ADAMTS2: variants seen among roughly 807,000 people sequenced by gnomAD.
ADAMTS2 encodes the protein A disintegrin and metalloproteinase with thrombospondin motifs 2.
In ADAMTS2, 50 loss-of-function variants were observed where a neutral mutation model predicts 123.0. The observed-to-expected ratio is 0.41, with a 90% CI of 0.32 to 0.51. ADAMTS2 has a LOEUF of 0.51. Among genes scored for constraint, ADAMTS2 ranks in the 20% least tolerant of loss-of-function variants. The probability of loss-of-function intolerance (pLI) is 0.35; values close to 1 mark genes in which losing one functional copy is unlikely to be tolerated. For missense variants in ADAMTS2, 1,494 were observed against 1,705.2 expected (o/e 0.88, Z 2.18); for synonymous variants, 678 against 695.4 (o/e 0.98, Z 0.39).
chr5:179,272,809 A>G lies in ADAMTS2; in HGVS notation c.688+102T>C. 1.4e-6 allele frequency: 2 copies of G among 1,449,666 alleles called. No individual in the cohort carries two copies. Among genetic ancestry groups the G allele is most frequent in the Non-Finnish European group, 1.9e-6 (2 of 1,078,486 alleles). The allele number at this position is 1,449,666 out of a possible 1,614,324, so 89.8% of individuals were successfully genotyped here. ...AGACCGGGGCTCAGCCTCAGCAGCC[A>G]AGCTGGTCTGTGGAGAGCTGCCTGA... On this transcript the variant is annotated intron_variant, in intron 3 of 21. Coordinates refer to ENST00000251582, the MANE Select transcript of ADAMTS2 (RefSeq NM_014244.5). The surrounding 1 kb of genome is among the most constrained non-coding windows in gnomAD (Gnocchi z 5.8).
At chr5:179,193,536 A>G (rs1472206439) in intron 4 of ADAMTS2, among the ~76,000 whole-genome samples, 1 of 152,206 alleles carries the variant, frequency 6.6e-6, no homozygotes, top group African/African-American at 2.4e-5. Flanking sequence ...AGCATGGACG[A>G]TGGAGACACA....
rs774250591 is a variant in ADAMTS2 at position 179,126,083 on chromosome 5, T to C, written c.2665A>G (p.Met889Val). The change falls in exon 18 of 22, where the codon ATG becomes GTG. Residue 889 changes from methionine (M) to valine (V), a missense_variant. Met to Val is a conservative substitution (Grantham distance 21). Around this residue, in one of 6 missense-constraint regions of ADAMTS2, gnomAD observed 953 missense variants for 1,124.7 expected, o/e 0.85. Transcript: ENST00000251582. ...YGCRRRLDHK[M>V]VHRGFCAALS... ...GCGGCACAGAAGCCACGGTGTACCATCTTGTGGTCCAGCCTCCGGCGGCAG... is the reference window on the plus strand; with the variant it reads ...GCGGCACAGAAGCCACGGTGTACCACCTTGTGGTCCAGCCTCCGGCGGCAG... 6.2e-7 allele frequency: 1 copy of C among 1,613,136 alleles called. No homozygotes were observed. Among genetic ancestry groups the C allele is most frequent in the Non-Finnish European group, 8.5e-7 (1 of 1,180,002 alleles).
intron 4 of ADAMTS2, among the ~76,000 whole-genome samples, chr5:179,205,786 T>TATTA (rs141328524): frequency 6.7e-6 from 1 of 150,306 alleles, no homozygotes; most frequent in Non-Finnish European, 1.5e-5. Flanking sequence ...TTATTATTAT[T>TATTA]TTTGAGACGG....
chr5:179,249,563 G>T (rs1010122237), intron 3 of ADAMTS2, among the ~76,000 whole-genome samples: 3 of 152,140 alleles, frequency 2.0e-5, no homozygotes, highest in Non-Finnish European at 2.9e-5. Flanking sequence ...AACAAAAGTG[G>T]GGACATTACT....
intron 3 of ADAMTS2, among the ~76,000 whole-genome samples, chr5:179,271,375 A>G (rs1007338797): frequency 6.6e-6 from 1 of 152,200 alleles, no homozygotes; most frequent in Non-Finnish European, 1.5e-5. Flanking sequence ...GAGGCCAGCC[A>G]GAAGCACCAA....
At chr5:179,137,328 T>C (rs1191007810) in intron 12 of ADAMTS2, among the ~76,000 whole-genome samples, 1 of 152,210 alleles carries the variant, frequency 6.6e-6, no homozygotes, top group Non-Finnish European at 1.5e-5. Flanking sequence ...ATAAATGCCT[T>C]CTAGTGCTGA....
At chr5:179,148,440 T>C (rs1336676467) in intron 10 of ADAMTS2, among the ~76,000 whole-genome samples, 2 of 152,144 alleles carry the variant, frequency 1.3e-5, no homozygotes, top group East Asian at 3.9e-4. Context: ...GGTTCAAACG[T>C]TGCTTCAATT....
At chr5:179,300,094 CAA>C (rs59939578) in intron 2 of ADAMTS2, among the ~76,000 whole-genome samples, 10 of 102,326 alleles carry the variant, frequency 9.8e-5, no homozygotes, top group Admixed American at 2.2e-4. Context: ...GACTCCGTCT[CAA>C]AAAAAAAAAA....
chr5:179,137,785 G>T lies in ADAMTS2; in HGVS notation c.1935C>A (p.Pro645=). The T allele has an allele frequency of 6.3e-7, 1 of 1,575,562 alleles. No individual in the cohort carries two copies. The part of the protein sequence containing the change: ...EHGDAQHHWL[P]HEHRDAKERC... Reference sequence around the variant, plus strand: ...AGGGCTCACCATCCCGGTGCTCGTGGGGCAGCCAGTGGTGCTGGGCGTCGC... The same window carrying T: ...AGGGCTCACCATCCCGGTGCTCGTGTGGCAGCCAGTGGTGCTGGGCGTCGC... Residue 645 remains proline, a synonymous_variant, in exon 12 of 22, where the codon CCC becomes CCA. Coordinates refer to ENST00000251582, the MANE Select transcript of ADAMTS2 (RefSeq NM_014244.5).
At position 179,110,880 on chromosome 5, in the gene ADAMTS2, C is replaced by T. The variant is rs1006255382; in HGVS notation, c.*2987G>A. The T allele has an allele frequency of 1.3e-5, 2 of 152,200 alleles. No individual in the cohort carries two copies. Among genetic ancestry groups the T allele is most frequent in the African/African-American group, 4.8e-5 (2 of 41,452 alleles). The allele number at this position is 152,200 out of a possible 1,614,324, so 9.4% of individuals were successfully genotyped here. On this transcript the variant is annotated 3_prime_UTR_variant, in exon 22 of 22. Coordinates refer to ENST00000251582, the MANE Select transcript of ADAMTS2 (RefSeq NM_014244.5). ...ATTTGCAAAAACACAGACATTTTAA[C>T]TTTAATAAGTTATAAAAGTAAGGAG...
At chr5:179,201,305 CATGTCTGACCTCTA>C (rs1302319281) in intron 4 of ADAMTS2, among the ~76,000 whole-genome samples, 1 of 152,150 alleles carries the variant, frequency 6.6e-6, no homozygotes, top group Non-Finnish European at 1.5e-5. Flanking sequence ...CAGTTAGTGG[CATGTCTGACCTCTA>C]ATGGAGAAAT....
intron 4 of ADAMTS2, among the ~76,000 whole-genome samples, chr5:179,205,529 C>T (rs252065): frequency 0.23 from 35,228 of 152,110 alleles, 4,661 homozygotes; most frequent in East Asian, 0.57. Flanking sequence ...GGCCTGGAGT[C>T]GCCATCGGAC....
chr5:179,265,425 T>G (rs1766341880), intron 3 of ADAMTS2, among the ~76,000 whole-genome samples: 3 of 151,900 alleles, frequency 2.0e-5, no homozygotes. Context: ...TCAGGCGGAG[T>G]GCCAGGCCCA....
At chr5:179,152,839 C>T (rs1763387494) in intron 9 of ADAMTS2, among the ~76,000 whole-genome samples, 1 of 152,180 alleles carries the variant, frequency 6.6e-6, no homozygotes, top group Non-Finnish European at 1.5e-5. Flanking sequence ...AAGGAGGTGG[C>T]CCTCCTGCGT....
intron 21 of ADAMTS2, among the ~76,000 whole-genome samples, chr5:179,119,330 T>G (rs772040490): frequency 6.6e-6 from 1 of 152,232 alleles, no homozygotes; most frequent in African/African-American, 2.4e-5. Flanking sequence ...CCCGGCCCTA[T>G]GCCCAAGGCC....
In ADAMTS2 at chr5:179,226,473, C is replaced by T. The variant is rs572815064; in HGVS notation, c.689-18758G>A. Among the ~76,000 whole-genome samples, 26 of 149,250 alleles carry T rather than the reference C, an allele frequency of 1.7e-4. No individual in the cohort carries two copies. The East Asian group carries it at 5.1e-3, about 29-fold the overall frequency. ...TGTATTTTTAGTAGAGACAGGATTT[C>T]ACCATGTTAGCCAGGCTGGTTTCAA... On this transcript the variant is annotated intron_variant, in intron 3 of 21. Coordinates refer to ENST00000251582, the MANE Select transcript of ADAMTS2 (RefSeq NM_014244.5).
chr5:179,242,878 G>A lies in ADAMTS2; in HGVS notation c.688+30033C>T, dbSNP rs968600124. ...TGCTGAGTGTGACCGAAAGGCCGGAGCACCTTCCTCCACCCAGCCCTAACT... is the reference window on the plus strand; with the variant it reads ...TGCTGAGTGTGACCGAAAGGCCGGAACACCTTCCTCCACCCAGCCCTAACT... On this transcript the variant is annotated intron_variant, in intron 3 of 21. Transcript: ENST00000251582. The surrounding 1 kb of genome is among the most constrained non-coding windows in gnomAD (Gnocchi z 4.2). 1.3e-5 allele frequency among the ~76,000 whole-genome samples: 2 copies of A among 152,180 alleles called. No individual in the cohort carries two copies.
intron 2 of ADAMTS2, among the ~76,000 whole-genome samples, chr5:179,337,505 G>T (rs982960522): frequency 6.6e-6 from 1 of 152,200 alleles, no homozygotes; most frequent in African/African-American, 2.4e-5. Context: ...CTCCCGCCAT[G>T]CACAGGCCCA....
At chr5:179,321,041 T>G (rs1355571518) in intron 2 of ADAMTS2, among the ~76,000 whole-genome samples, 1 of 152,254 alleles carries the variant, frequency 6.6e-6, no homozygotes, top group African/African-American at 2.4e-5. Context: ...TAGTTCTAGA[T>G]ATTTTTCTTT....
Sources: allele counts gnomAD v4.1 joint callset (sites outside exome capture counted in the v4.1 genomes callset), GRCh38; gene constraint gnomAD v4.1.1; regional missense constraint gnomAD v4.1.1; non-coding constraint Gnocchi (gnomAD v3.1); transcripts MANE v1.5; gene names NCBI Gene and HGNC (gene_info 2026-07-23, HGNC 2026-07-21).